The following BDP1 variants were observed in gnomAD, a reference collection of about 807,000 sequenced individuals.
The protein encoded by BDP1 is transcription factor TFIIIB component B'' homolog.
A neutral mutation model predicts 266.6 loss-of-function variants in BDP1; 169 were observed. The ratio of observed to expected loss-of-function variants is 0.63; its 90% CI spans 0.56 to 0.72. BDP1 has a LOEUF of 0.72. BDP1 is among the 30% of genes least tolerant of loss of function. BDP1 has a pLI of 0.00. For missense variants in BDP1, 3,015 were observed against 3,053.8 expected (o/e 0.99, Z 0.30); for synonymous variants, 1,090 against 1,022.4 (o/e 1.07, Z -1.26).
chr5:71,527,275 A>G (rs2150524279), intron 25 of BDP1, among the ~76,000 whole-genome samples: 1 of 152,132 alleles, frequency 6.6e-6, no homozygotes, highest in East Asian at 1.9e-4. Context: ...CTGGCAAAAA[A>G]CCAAGATACA....
chr5:71,567,214 C>T lies in BDP1; in HGVS notation c.*2329C>T, dbSNP rs1220834592. 1.3e-5 allele frequency: 2 copies of T among 152,112 alleles called. No homozygotes were observed. The highest frequency in any genetic ancestry group is 2.9e-5 in the Non-Finnish European group (2 of 68,008). 9.4% of individuals were successfully genotyped at this position (152,112 alleles called of 1,614,324 possible). A position where few individuals can be genotyped will look rare whatever the true frequency, so the allele number is the denominator to read the frequency against. On this transcript the variant is annotated 3_prime_UTR_variant, in exon 39 of 39. Coordinates refer to ENST00000358731, the MANE Select transcript of BDP1 (RefSeq NM_018429.3). The stretch of plus-strand genomic sequence containing the variant: ...AGTGTTAGCTTGGGAGTTAGATTGC[C>T]ATGATTAAACTATTATTTATCCTTG...
At chr5:71,511,283 C>G (rs1332275930) in intron 17 of BDP1, 132 bp downstream of exon 17, 3 of 880,874 alleles carry the variant, frequency 3.4e-6, no homozygotes, top group Non-Finnish European at 5.2e-6. Flanking sequence ...TTTTGTAGCC[C>G]TAAGTTTCTA....
In BDP1 at chr5:71,510,395, G is replaced by T; in HGVS notation, c.3303G>T (p.Gln1101His). 1 of 1,613,986 alleles carries T rather than the reference G, an allele frequency of 6.2e-7. No homozygotes were observed. Among genetic ancestry groups the T allele is most frequent in the Non-Finnish European group, 8.5e-7 (1 of 1,180,002 alleles). ...LEETEREISP[Q>H]ENGLEEVKPL... Reference sequence around the variant, plus strand: ...AAACTGAAAGAGAAATATCCCCACAGGAAAATGGCCTAGAGGAGGTTAAGC... The same window carrying T: ...AAACTGAAAGAGAAATATCCCCACATGAAAATGGCCTAGAGGAGGTTAAGC... The change falls in exon 17 of 39, where the codon CAG becomes CAT. Residue 1101 changes from glutamine (Q) to histidine (H), a missense_variant. By Grantham distance (24) the Gln-to-His change is conservative. Transcript: ENST00000358731.
At chr5:71,520,941 C>T (rs1434674867) in intron 22 of BDP1, among the ~76,000 whole-genome samples, 4 of 152,052 alleles carry the variant, frequency 2.6e-5, no homozygotes, top group South Asian at 4.1e-4. Flanking sequence ...GTAATCCCAG[C>T]GCTCTGGGAA....
intron 14 of BDP1, 66 bp from the exon 15 acceptor site, chr5:71,502,533 C>A: frequency 1.5e-6 from 2 of 1,319,456 alleles, no homozygotes; most frequent in Non-Finnish European, 2.1e-6. Flanking sequence ...TTTACTTATT[C>A]ATGCCAGGGA....
chr5:71,505,318 T>A (rs2150454217), intron 16 of BDP1, among the ~76,000 whole-genome samples: 1 of 152,342 alleles, frequency 6.6e-6, no homozygotes, highest in South Asian at 2.1e-4. Context: ...GCTTTATCAC[T>A]TAACATGCAT....
chr5:71,456,375 C>T (rs1013928430), intron 1 of BDP1, among the ~76,000 whole-genome samples: 6 of 152,238 alleles, frequency 3.9e-5, no homozygotes, highest in Admixed American at 2.0e-4. Flanking sequence ...AGAATATCCA[C>T]ACTATTCATT....
chr5:71,525,701 CCCTT>C lies in BDP1; in HGVS notation c.5772+1381_5772+1384del, dbSNP rs1258809170. Reference sequence around the variant, plus strand: ...CGGGCGGGGGGCTGACCCCCCACCTCCCTTCCGGACGGGGCGGCTGGCCAGGCGG... The same window carrying C: ...CGGGCGGGGGGCTGACCCCCCACCTCCCGGACGGGGCGGCTGGCCAGGCGG... On this transcript the variant is annotated intron_variant, in intron 25 of 38. Transcript: ENST00000358731. 5.5e-5 allele frequency among the ~76,000 whole-genome samples: 8 copies of C among 145,658 alleles called. No individual in the cohort carries two copies. The East Asian group carries it at 1.1e-3, about 19-fold the overall frequency.
chr5:71,485,642 C>T lies in BDP1; in HGVS notation c.1070-842C>T, dbSNP rs533544798. On this transcript the variant is annotated intron_variant, in intron 8 of 38. Transcript: ENST00000358731. ...TCTCTACATTGACTTTAAGTTCAAGCAAGGATTTGCCTCCTGGTCTGGATT... is the reference window on the plus strand; with the variant it reads ...TCTCTACATTGACTTTAAGTTCAAGTAAGGATTTGCCTCCTGGTCTGGATT... 8.7e-4 allele frequency among the ~76,000 whole-genome samples: 132 copies of T among 152,318 alleles called. 3 individuals are homozygous for T. In the South Asian group the frequency reaches 0.017, roughly 20 times the overall value.
At chr5:71,573,510 G>A in the BDP1 span, among the ~76,000 whole-genome samples, 2 of 152,340 alleles carry the variant, frequency 1.3e-5, no homozygotes, top group South Asian at 2.1e-4. Context: ...TTAAAAGTGA[G>A]TGTGGTAAGT....
In BDP1 at chr5:71,542,193, A is replaced by G. The variant is rs377384231; in HGVS notation, c.6340A>G (p.Asn2114Asp). Residue 2114 changes from asparagine to aspartate, a missense_variant, in exon 30 of 39, where the codon AAC becomes GAC. Physicochemically the swap from Asn to Asp is conservative, Grantham distance 23. Transcript: ENST00000358731. ...KPNLEKTLGT[N>D]RLDDYQEVSS... ...AAATCTTGAGAAGACTTTAGGGACC[A>G]ACAGGCTTGATGATTATCAGGAAGT... 2 of 1,613,700 alleles carry G rather than the reference A, an allele frequency of 1.2e-6. No homozygotes were observed. Among genetic ancestry groups the G allele is most frequent in the Non-Finnish European group, 1.7e-6 (2 of 1,179,840 alleles).
intron 27 of BDP1, 38 bp from the exon 28 acceptor site, chr5:71,539,519 T>A: frequency 6.7e-7 from 1 of 1,501,832 alleles, no homozygotes; most frequent in Non-Finnish European, 9.2e-7. Context: ...ATTTCCGGAT[T>A]CATTCTTTTT....
chr5:71,480,705 A>G (rs1162762759), intron 7 of BDP1, among the ~76,000 whole-genome samples: 1 of 150,958 alleles, frequency 6.6e-6, no homozygotes, highest in African/African-American at 2.4e-5. Flanking sequence ...TTGGGATTAC[A>G]GGTGCATGCC....
chr5:71,495,254 C>A lies in BDP1; in HGVS notation c.1645C>A (p.Gln549Lys), dbSNP rs1763811931. ...GAAATATTTTCTTTTTTTTAGTAATCAACAAGATGCCACATCAGTAGCAAC... is the reference window on the plus strand; with the variant it reads ...GAAATATTTTCTTTTTTTTAGTAATAAACAAGATGCCACATCAGTAGCAAC... ...RTDPILSLSN[Q>K]QDATSVATES... Residue 549 changes from glutamine to lysine, a missense_variant, in exon 12 of 39, where the codon CAA (glutamine) becomes AAA (lysine). Transcript: ENST00000358731. 2.0e-6 allele frequency: 3 copies of A among 1,537,828 alleles called. No individual in the cohort carries two copies. The highest frequency in any genetic ancestry group is 2.6e-6 in the Non-Finnish European group (3 of 1,142,446).
intron 7 of BDP1, among the ~76,000 whole-genome samples, chr5:71,471,847 C>G (rs949480142): frequency 2.0e-5 from 3 of 152,134 alleles, no homozygotes; most frequent in African/African-American, 4.8e-5. Context: ...GTTTTTTCCA[C>G]TAGAACTAAA....
At chr5:71,545,293 C>T (rs985927247) in intron 32 of BDP1, 74 bp downstream of exon 32, 49 of 1,309,344 alleles carry the variant, frequency 3.7e-5, no homozygotes, top group Non-Finnish European at 5.3e-5. Context: ...GTATAATTTA[C>T]ATACAATAAA....
chr5:71,564,310 T>C (rs944420692), intron 38 of BDP1, among the ~76,000 whole-genome samples: 1 of 122,724 alleles, frequency 8.1e-6, no homozygotes, highest in African/African-American at 3.0e-5. Flanking sequence ...TTAGGTGCTG[T>C]TTTGTCATGG....
intron 16 of BDP1, among the ~76,000 whole-genome samples, chr5:71,505,654 A>G (rs906612377): frequency 6.6e-6 from 1 of 152,188 alleles, no homozygotes; most frequent in Non-Finnish European, 1.5e-5. Context: ...ACCAGTCTTT[A>G]CGTTTAAAGG....
At chr5:71,481,468 G>T (rs1218373822) in intron 7 of BDP1, among the ~76,000 whole-genome samples, 1 of 150,822 alleles carries the variant, frequency 6.6e-6, no homozygotes, top group African/African-American at 2.4e-5. Flanking sequence ...GAGGCAGGAG[G>T]ATTGCTTGAG....
Sources: allele counts gnomAD v4.1 joint callset (sites outside exome capture counted in the v4.1 genomes callset), GRCh38; gene constraint gnomAD v4.1.1; transcripts MANE v1.5; gene names NCBI Gene and HGNC (gene_info 2026-07-23, HGNC 2026-07-21).